Variants in COG5 observed in about 807,000 individuals in gnomAD.
COG5 encodes component of oligomeric golgi complex 5.
In COG5, 86 loss-of-function variants were observed where a neutral mutation model predicts 110.4. The ratio of observed to expected loss-of-function variants is 0.78; its 90% CI spans 0.65 to 0.93. COG5 has a LOEUF of 0.93. Ranked by LOEUF, COG5 falls within the 40% of genes least tolerant of loss-of-function variation. COG5 has a pLI of 0.00. For missense variants in COG5, 1,077 were observed against 987.0 expected, an observed-to-expected ratio of 1.09 and a Z score of -1.22; for synonymous variants, 360 against 334.6, an observed-to-expected ratio of 1.08 and a Z score of -0.83.
intron 21 of COG5, chr7:107,208,319 C>T (rs747299138): frequency 4.9e-5 from 48 of 985,400 alleles, no homozygotes; most frequent in Non-Finnish European, 5.8e-5. Context: ...GGCTTAGCAA[C>T]AGCACTGCTG....
rs1436510633 is a variant in COG5 at position 107,462,456 on chromosome 7, G to C, written c.539-49824C>G. Among the ~76,000 whole-genome samples the C allele has an allele frequency of 3.3e-5, 5 of 152,094 alleles. No individual in the cohort carries two copies. In the East Asian group the frequency reaches 9.6e-4, roughly 29 times the overall value. ...TGAGGGAAGCATGAAGCCACTGAGG[G>C]AAAGCATGAAGTCCAGGCTGGATCC... On this transcript the variant is annotated intron_variant, in intron 6 of 21. Transcript: ENST00000297135.
chr7:107,264,298 T>G (rs914629119), intron 14 of COG5, among the ~76,000 whole-genome samples: 2 of 152,142 alleles, frequency 1.3e-5, no homozygotes, highest in African/African-American at 4.8e-5. Context: ...AGATATACAG[T>G]TCAATGATCC....
At chr7:107,342,579 G>A (rs984272216) in intron 10 of COG5, among the ~76,000 whole-genome samples, 5 of 152,006 alleles carry the variant, frequency 3.3e-5, no homozygotes, top group African/African-American at 1.2e-4. Context: ...TTGGGAAGCT[G>A]AGGCAGGAGA....
chr7:107,446,419 C>T (rs1351926458), intron 6 of COG5, among the ~76,000 whole-genome samples: 1 of 152,160 alleles, frequency 6.6e-6, no homozygotes, highest in Admixed American at 6.5e-5. Flanking sequence ...CTTAGGCACA[C>T]ATACTTACGG....
intron 6 of COG5, among the ~76,000 whole-genome samples, chr7:107,464,088 A>G (rs1263001528): frequency 1.3e-5 from 2 of 152,164 alleles, no homozygotes; most frequent in African/African-American, 4.8e-5. Flanking sequence ...TGAGGTTAGA[A>G]TAGAGGGGGT....
intron 20 of COG5, among the ~76,000 whole-genome samples, 157 bp downstream of exon 20, chr7:107,210,942 G>C (rs1176826245): frequency 6.6e-6 from 1 of 152,218 alleles, no homozygotes; most frequent in African/African-American, 2.4e-5. Flanking sequence ...AGCAGTGGGA[G>C]TTTTCCTTTT....
rs1014964153 is a variant in COG5 at position 107,497,328 on chromosome 7, C to T, written c.538+29909G>A. On this transcript the variant is annotated intron_variant, in intron 6 of 21. Coordinates refer to ENST00000297135, the MANE Select transcript of COG5 (RefSeq NM_006348.5). ...TCAAGTAAGAAAAAGAAATAAAAGG[C>T]ATTCAAATCAAAAGGAAAGTAGTAA... 5.3e-5 allele frequency among the ~76,000 whole-genome samples: 8 copies of T among 152,106 alleles called. 1 individual carries two copies. Among genetic ancestry groups the T allele is most frequent in the Admixed American group, 4.6e-4 (7 of 15,268 alleles).
chr7:107,517,649 T>C (rs1049295121), intron 6 of COG5, among the ~76,000 whole-genome samples: 1 of 151,616 alleles, frequency 6.6e-6, no homozygotes, highest in Non-Finnish European at 1.5e-5. Context: ...AGCGGATCTC[T>C]CAGCAGAAAC....
chr7:107,488,993 C>A (rs2129126668), intron 6 of COG5, among the ~76,000 whole-genome samples: 1 of 152,174 alleles, frequency 6.6e-6, no homozygotes, highest in Non-Finnish European at 1.5e-5. Flanking sequence ...AGCAACCAAA[C>A]ATTGTGATTT....
intron 7 of COG5, among the ~76,000 whole-genome samples, chr7:107,393,731 A>C (rs1286996067): frequency 6.6e-6 from 1 of 152,130 alleles, no homozygotes; most frequent in Non-Finnish European, 1.5e-5. Flanking sequence ...TCTCAAACAG[A>C]CCAAAACCAT....
intron 6 of COG5, among the ~76,000 whole-genome samples, chr7:107,440,834 T>C (rs1794661572): frequency 6.6e-6 from 1 of 152,200 alleles, no homozygotes; most frequent in Admixed American, 6.5e-5. Context: ...CCTTCCCCCA[T>C]ACTATGCTCT....
chr7:107,292,520 T>G (rs924483012), intron 12 of COG5, among the ~76,000 whole-genome samples: 3 of 152,198 alleles, frequency 2.0e-5, no homozygotes, highest in Non-Finnish European at 4.4e-5. Context: ...AAAGAGCCCA[T>G]GTCCTTATAC....
At chr7:107,487,615 T>C (rs969706770) in intron 6 of COG5, among the ~76,000 whole-genome samples, 2 of 151,906 alleles carry the variant, frequency 1.3e-5, no homozygotes, top group African/African-American at 4.8e-5. Context: ...ACCTCAAACA[T>C]GACCTTTGAC....
At chr7:107,487,212 G>A (rs751617700) in intron 6 of COG5, among the ~76,000 whole-genome samples, 1 of 151,862 alleles carries the variant, frequency 6.6e-6, no homozygotes, top group Non-Finnish European at 1.5e-5. Context: ...AACCAACATG[G>A]CAAAAGGAAA....
At chr7:107,452,496 TC>T (rs931467757) in intron 6 of COG5, among the ~76,000 whole-genome samples, 4 of 152,186 alleles carry the variant, frequency 2.6e-5, no homozygotes, top group Non-Finnish European at 5.9e-5. Flanking sequence ...AGCGGGTCTT[TC>T]CCATGCTGTT....
chr7:107,324,535 AC>A lies in COG5; in HGVS notation c.1027-15del. On this transcript the variant is annotated splice_polypyrimidine_tract_variant and intron_variant, in intron 10 of 21. Transcript: ENST00000297135. ...CGGTTGTCCATCCTGTGAAGAACAA[AC>A]AAAAATTTTTTAAAAATAAAAAAAT... 1.3e-6 allele frequency: 2 copies of A among 1,557,076 alleles called. No individual in the cohort carries two copies. Among genetic ancestry groups the A allele is most frequent in the Non-Finnish European group, 1.8e-6 (2 of 1,137,430 alleles).
At chr7:107,281,233 C>T in intron 14 of COG5, 67 bp downstream of exon 14, 1 of 1,004,674 alleles carries the variant, frequency 1.0e-6, no homozygotes, top group Non-Finnish European at 1.5e-6. Context: ...TATGATTAGT[C>T]AAGTATTATA....
intron 10 of COG5, among the ~76,000 whole-genome samples, chr7:107,355,119 T>C (rs1174787162): frequency 6.6e-6 from 1 of 152,236 alleles, no homozygotes; most frequent in Non-Finnish European, 1.5e-5. Flanking sequence ...TTGTTTTTTC[T>C]ACAGATGAAG....
intron 21 of COG5, chr7:107,208,596 C>A (rs1798933130): frequency 1.0e-6 from 1 of 985,298 alleles, no homozygotes; most frequent in South Asian, 4.7e-5. Context: ...TTAGCCCAGG[C>A]CCAAACTCCT....
Sources: gnomAD v4.1 joint callset for allele counts (sites outside exome capture counted in the v4.1 genomes callset) on GRCh38, gnomAD v4.1.1 for gene constraint, MANE v1.5 for transcripts, NCBI Gene and HGNC (gene_info 2026-07-23, HGNC 2026-07-21) for gene names.